FAM81A: variants seen among roughly 807,000 people sequenced by gnomAD.
The protein encoded by FAM81A is protein FAM81A.
In FAM81A, 19 loss-of-function variants were observed where a neutral mutation model predicts 46.7. That is an observed-to-expected ratio of 0.41 (90% CI 0.28 to 0.60). The LOEUF (loss-of-function observed/expected upper bound fraction) is 0.60. Ranked by LOEUF, FAM81A falls within the 20% of genes least tolerant of loss-of-function variation. FAM81A has a pLI of 0.34. For synonymous variants in FAM81A, 183 were observed against 152.9 expected, an observed-to-expected ratio of 1.20 and a Z score of -1.45; for missense variants, 377 against 453.5, an observed-to-expected ratio of 0.83 and a Z score of 1.53.
intron 2 of FAM81A, among the ~76,000 whole-genome samples, chr15:59,423,252 A>C (rs1052031193): frequency 7.9e-5 from 12 of 151,994 alleles, no homozygotes; most frequent in South Asian, 2.1e-4. Context: ...GCGCCCGCCA[A>C]CACGCCTGGC....
intron 1 of FAM81A, among the ~76,000 whole-genome samples, chr15:59,454,352 C>T (rs1030823767): frequency 6.6e-6 from 1 of 152,046 alleles, no homozygotes; most frequent in Non-Finnish European, 1.5e-5. Flanking sequence ...AATTCATTTA[C>T]CATTTTACAT....
chr15:59,448,198 G>A (rs1449596411), intron 1 of FAM81A, among the ~76,000 whole-genome samples: 21 of 152,142 alleles, frequency 1.4e-4, no homozygotes, highest in African/African-American at 4.8e-5. Flanking sequence ...ACAACATGGC[G>A]AAACCCCGCC....
chr15:59,512,471 CAAAAAAAAAAAAAAAA>C (rs766904849), intron 6 of FAM81A, among the ~76,000 whole-genome samples: 2 of 13,666 alleles, frequency 1.5e-4, no homozygotes, highest in South Asian at 5.6e-3. Context: ...AACTCCATCT[CAAAAAAAAAAAAAAAA>C]AAAAAAAAAA....
chr15:59,493,172 G>T (rs2141760251), intron 4 of FAM81A, among the ~76,000 whole-genome samples: 1 of 152,332 alleles, frequency 6.6e-6, no homozygotes, highest in Middle Eastern at 3.4e-3. Context: ...TCTGCATGGA[G>T]TCGGGTGGAA....
At chr15:59,416,093 A>G (rs949934116) in intron 2 of FAM81A, among the ~76,000 whole-genome samples, 4 of 152,232 alleles carry the variant, frequency 2.6e-5, no homozygotes, top group Non-Finnish European at 4.4e-5. Flanking sequence ...ATGAATCCCC[A>G]TATCTCCTGG....
chr15:59,474,782 G>A (rs766672740), intron 3 of FAM81A, among the ~76,000 whole-genome samples: 23 of 152,230 alleles, frequency 1.5e-4, no homozygotes, highest in Non-Finnish European at 3.1e-4. Context: ...GAAGTGGCCT[G>A]AGGTATCAAG....
At chr15:59,437,828 C>G (rs2141573547), upstream of FAM81A, among the ~76,000 whole-genome samples, 1 of 152,290 alleles carries the variant, frequency 6.6e-6, no homozygotes, top group Middle Eastern at 3.4e-3. Context: ...TTCAACACCT[C>G]TCCAAATCAA....
chr15:59,473,625 G>A (rs549241615), intron 3 of FAM81A, among the ~76,000 whole-genome samples: 2 of 152,060 alleles, frequency 1.3e-5, no homozygotes, highest in African/African-American at 2.4e-5. Flanking sequence ...CTTTGCTTAC[G>A]GGGGTGGGGG....
chr15:59,475,457 C>T, intron 3 of FAM81A, among the ~76,000 whole-genome samples: 1 of 152,048 alleles, frequency 6.6e-6, no homozygotes, highest in Non-Finnish European at 1.5e-5. Flanking sequence ...AAACATGTTT[C>T]TTTAAGATGA....
rs953661915 is a variant in FAM81A, at chr15:59,522,869, A to G, written c.*1491A>G. 1.3e-5 allele frequency: 2 copies of G among 151,048 alleles called. No homozygotes were observed. Among genetic ancestry groups the G allele is most frequent in the African/African-American group, 2.4e-5 (1 of 40,994 alleles). 9.4% of individuals were successfully genotyped at this position (151,048 alleles called of 1,614,324 possible). On this transcript the variant is annotated 3_prime_UTR_variant, in exon 9 of 9. Transcript: ENST00000288228. The stretch of plus-strand genomic sequence containing the variant: ...ATATTTTGCTGTCAATGGCTTGACA[A>G]TTTTTTTTTTCAAATTTGGACATGA...
intron 6 of FAM81A, among the ~76,000 whole-genome samples, chr15:59,510,516 G>GATTT (rs2082195329): frequency 6.6e-6 from 1 of 151,994 alleles, no homozygotes; most frequent in African/African-American, 2.4e-5. Flanking sequence ...GACCAATGCT[G>GATTT]ATTTCTCAGC....
At chr15:59,425,721 G>T (rs1328871241) in intron 2 of FAM81A, among the ~76,000 whole-genome samples, 1 of 152,142 alleles carries the variant, frequency 6.6e-6, no homozygotes, top group Non-Finnish European at 1.5e-5. Context: ...AAACTGCCAG[G>T]CTTAAGTGAG....
At chr15:59,485,792 G>T (rs955431708) in intron 3 of FAM81A, among the ~76,000 whole-genome samples, 2 of 152,132 alleles carry the variant, frequency 1.3e-5, no homozygotes, top group African/African-American at 4.8e-5. Flanking sequence ...TTTAGACAGA[G>T]AATTCAAAAT....
chr15:59,464,431 G>C (rs943664183), intron 3 of FAM81A, among the ~76,000 whole-genome samples: 1 of 152,016 alleles, frequency 6.6e-6, no homozygotes, highest in African/African-American at 2.4e-5. Flanking sequence ...TTACATTCCC[G>C]CCAACAGTGT....
intron 3 of FAM81A, among the ~76,000 whole-genome samples, chr15:59,489,322 C>T (rs1423068266): frequency 6.6e-6 from 1 of 151,874 alleles, no homozygotes; most frequent in Non-Finnish European, 1.5e-5. Flanking sequence ...TATATACATA[C>T]ATACATACAT....
intron 1 of FAM81A, among the ~76,000 whole-genome samples, chr15:59,444,864 C>A (rs1205752090): frequency 6.6e-6 from 1 of 152,088 alleles, no homozygotes; most frequent in Non-Finnish European, 1.5e-5. Context: ...GCTTTTTATG[C>A]CTTGGTGGTC....
chr15:59,470,398 A>G (rs1216849015), intron 3 of FAM81A, among the ~76,000 whole-genome samples: 4 of 151,972 alleles, frequency 2.6e-5, no homozygotes, highest in African/African-American at 4.8e-5. Context: ...GGCTTTACTA[A>G]TTTCTTTTTA....
chr15:59,423,919 C>T (rs572784252), intron 2 of FAM81A, among the ~76,000 whole-genome samples: 1 of 152,102 alleles, frequency 6.6e-6, no homozygotes, highest in Admixed American at 6.5e-5. Flanking sequence ...TTTTAAAGAA[C>T]GAAACAACTT....
At chr15:59,451,613 C>T (rs187616060) in intron 1 of FAM81A, among the ~76,000 whole-genome samples, 1 of 152,236 alleles carries the variant, frequency 6.6e-6, no homozygotes, top group African/African-American at 2.4e-5. Flanking sequence ...CCATCACGCT[C>T]AGCTAATTTT....
Sources: allele counts gnomAD v4.1 joint callset (sites outside exome capture counted in the v4.1 genomes callset), GRCh38; gene constraint gnomAD v4.1.1; transcripts MANE v1.5; gene names NCBI Gene and HGNC (gene_info 2026-07-23, HGNC 2026-07-21).